LHFPL4: variants seen among roughly 807,000 people sequenced by gnomAD.
LHFPL4 encodes LHFPL tetraspan subfamily member 4 protein.
A neutral mutation model predicts 20.0 loss-of-function variants in LHFPL4; 6 were observed. The ratio of observed to expected loss-of-function variants is 0.30; its 90% CI spans 0.16 to 0.59. The LOEUF (loss-of-function observed/expected upper bound fraction) is 0.59, where lower values mean the gene tolerates loss of function less well. LHFPL4 is among the 20% of genes least tolerant of loss of function. The probability of loss-of-function intolerance (pLI) is 0.88; values close to 1 mark genes in which losing one functional copy is unlikely to be tolerated. For synonymous variants in LHFPL4, 129 were observed against 143.8 expected, an observed-to-expected ratio of 0.90 and a Z score of 0.74; for missense variants, 215 against 331.2, an observed-to-expected ratio of 0.65 and a Z score of 2.72.
At chr3:9,503,101 C>G (rs2046190101) in intron 3 of LHFPL4, among the ~76,000 whole-genome samples, 1 of 152,130 alleles carries the variant, frequency 6.6e-6, no homozygotes, top group African/African-American at 2.4e-5. Flanking sequence ...CAGCCTGTAG[C>G]TGGGACCACA....
Position 9,499,675 on chromosome 3 carries a change from C to T in LHFPL4, c.*2536G>A, listed in dbSNP as rs2046156729. ...AAGGATGCGGCCTTGGCTGCCTGTG[C>T]CCCGGGCCTCCAGCCTCTGAAAGGT... On this transcript the variant is annotated 3_prime_UTR_variant, in exon 4 of 4. Transcript: ENST00000287585. 6.5e-6 allele frequency: 1 copy of T among 152,752 alleles called. No individual in the cohort carries two copies. Among genetic ancestry groups the T allele is most frequent in the Non-Finnish European group, 1.5e-5 (1 of 68,404 alleles). 9.5% of individuals were successfully genotyped at this position (152,752 alleles called of 1,614,324 possible).
intron 2 of LHFPL4, among the ~76,000 whole-genome samples, chr3:9,512,041 G>A (rs936177026): frequency 1.3e-5 from 2 of 151,330 alleles, no homozygotes; most frequent in African/African-American, 2.4e-5. Flanking sequence ...CACACCATTC[G>A]CCTTCCTCAG....
intron 2 of LHFPL4, among the ~76,000 whole-genome samples, chr3:9,516,061 T>C (rs1258866741): frequency 6.6e-6 from 1 of 152,226 alleles, no homozygotes; most frequent in East Asian, 1.9e-4. Context: ...TGGCTTGTCT[T>C]TTCATTCTCT....
intron 2 of LHFPL4, among the ~76,000 whole-genome samples, chr3:9,537,556 C>T (rs1219578107): frequency 6.6e-6 from 1 of 152,158 alleles, no homozygotes; most frequent in South Asian, 2.1e-4. Flanking sequence ...CCCCTATTGT[C>T]CTAGGCTGGC....
intron 2 of LHFPL4, among the ~76,000 whole-genome samples, chr3:9,527,584 G>T (rs546418659): frequency 6.6e-6 from 1 of 151,918 alleles, no homozygotes; most frequent in South Asian, 2.1e-4. Context: ...ACAAGCGCCT[G>T]TAGTCTCAGC....
At chr3:9,534,534 A>G (rs1024888000) in intron 2 of LHFPL4, among the ~76,000 whole-genome samples, 4 of 152,322 alleles carry the variant, frequency 2.6e-5, no homozygotes, top group Admixed American at 2.0e-4. Context: ...TTTCAGACAT[A>G]TTTATAAGAC....
intron 2 of LHFPL4, among the ~76,000 whole-genome samples, chr3:9,533,699 A>G (rs1306743769): frequency 6.6e-6 from 1 of 152,108 alleles, no homozygotes; most frequent in Non-Finnish European, 1.5e-5. Flanking sequence ...GGAGAATGGC[A>G]TGAACCTGGG....
At chr3:9,524,973 C>G (rs565807890) in intron 2 of LHFPL4, among the ~76,000 whole-genome samples, 1 of 152,282 alleles carries the variant, frequency 6.6e-6, no homozygotes, top group African/African-American at 2.4e-5. Context: ...GTTAATTTCA[C>G]AAATGCTTCT....
At chr3:9,513,001 C>G (rs1468991302) in intron 2 of LHFPL4, among the ~76,000 whole-genome samples, 1 of 152,202 alleles carries the variant, frequency 6.6e-6, no homozygotes, top group Non-Finnish European at 1.5e-5. Context: ...CTCAGTCGCC[C>G]AGGCTGGAGT....
chr3:9,500,753 G>A lies in LHFPL4; in HGVS notation c.*1458C>T, dbSNP rs2046165920. 1.3e-5 allele frequency: 2 copies of A among 152,280 alleles called. No homozygotes were observed. Among genetic ancestry groups the A allele is most frequent in the South Asian group, 4.1e-4 (2 of 4,840 alleles). 9.4% of individuals were successfully genotyped at this position (152,280 alleles called of 1,614,324 possible). On this transcript the variant is annotated 3_prime_UTR_variant, in exon 4 of 4. Coordinates refer to ENST00000287585, the MANE Select transcript of LHFPL4 (RefSeq NM_198560.3). ...AAGCCGGTCTGCACCAGCAACTAGT[G>A]CTGAGGGAGCTGTCCAGGCCCCAGG...
At chr3:9,510,851 T>C (rs947940876) in intron 2 of LHFPL4, among the ~76,000 whole-genome samples, 1 of 151,552 alleles carries the variant, frequency 6.6e-6, no homozygotes, top group African/African-American at 2.4e-5. Flanking sequence ...GGCAGGAGAA[T>C]TCCTTGAACC....
At chr3:9,513,564 C>G (rs2046276232) in intron 2 of LHFPL4, among the ~76,000 whole-genome samples, 1 of 152,124 alleles carries the variant, frequency 6.6e-6, no homozygotes, top group Admixed American at 6.5e-5. Context: ...AACTCCTGGC[C>G]TCAAATGATC....
chr3:9,500,219 A>T lies in LHFPL4; in HGVS notation c.*1992T>A, dbSNP rs2046161695. On this transcript the variant is annotated 3_prime_UTR_variant, in exon 4 of 4. Transcript: ENST00000287585. Reference sequence around the variant, plus strand: ...TCTCCTAACTCTGCTCTCCCCCTCCAACGCTGGGCTTGGTTTGCATCTTTG... The same window carrying T: ...TCTCCTAACTCTGCTCTCCCCCTCCTACGCTGGGCTTGGTTTGCATCTTTG... The T allele has an allele frequency of 2.0e-5, 3 of 151,878 alleles. No individual in the cohort carries two copies. The highest frequency in any genetic ancestry group is 4.9e-5 in the African/African-American group (2 of 41,178). 9.4% of individuals were successfully genotyped at this position (151,878 alleles called of 1,614,324 possible).
intron 2 of LHFPL4, among the ~76,000 whole-genome samples, chr3:9,518,763 CTT>C (rs200085791): frequency 2.2e-5 from 3 of 136,306 alleles, no homozygotes; most frequent in Non-Finnish European, 3.2e-5. Flanking sequence ...TTGTTCATTT[CTT>C]TTTTTTTTTT....
At chr3:9,537,262 C>T (rs568130963) in intron 2 of LHFPL4, among the ~76,000 whole-genome samples, 4 of 152,152 alleles carry the variant, frequency 2.6e-5, no homozygotes, top group South Asian at 2.1e-4. Flanking sequence ...TTCCTGAAAA[C>T]GTGTCAAATT....
At chr3:9,523,985 C>CA (rs1355766651) in intron 2 of LHFPL4, among the ~76,000 whole-genome samples, 1 of 95,556 alleles carries the variant, frequency 1.0e-5, no homozygotes, top group African/African-American at 3.6e-5. Context: ...CTAGTATTTC[C>CA]CCCCCCCCCA....
chr3:9,504,848 A>G (rs894085085), intron 3 of LHFPL4, among the ~76,000 whole-genome samples: 2 of 152,080 alleles, frequency 1.3e-5, no homozygotes, highest in South Asian at 2.1e-4. Context: ...TACTGCCACA[A>G]ATACATGTGT....
At chr3:9,523,030 G>A (rs183302558) in intron 2 of LHFPL4, among the ~76,000 whole-genome samples, 88 of 119,372 alleles carry the variant, frequency 7.4e-4, no homozygotes, top group African/African-American at 2.8e-3. Context: ...AACAGAGCGA[G>A]ACTCCGTCTC....
At chr3:9,519,738 G>C (rs1034681615) in intron 2 of LHFPL4, among the ~76,000 whole-genome samples, 1 of 151,838 alleles carries the variant, frequency 6.6e-6, no homozygotes, top group Non-Finnish European at 1.5e-5. Context: ...TTTTTCGTTA[G>C]AGATGAGGTC....
Sources: allele counts gnomAD v4.1 joint callset (sites outside exome capture counted in the v4.1 genomes callset), GRCh38; gene constraint gnomAD v4.1.1; transcripts MANE v1.5; gene names NCBI Gene and HGNC (gene_info 2026-07-23, HGNC 2026-07-21).